The following LGMN variants were observed in gnomAD, a reference collection of about 807,000 sequenced individuals.
LGMN encodes asparaginyl endopeptidase.
In LGMN, 36 loss-of-function variants were observed where a neutral mutation model predicts 56.8. The ratio of observed to expected loss-of-function variants is 0.63; its 90% CI spans 0.49 to 0.84. The LOEUF is 0.84. Among genes scored for constraint, LGMN ranks in the 40% least tolerant of loss-of-function variants. LGMN has a pLI of 0.00. For missense variants in LGMN, 446 were observed against 556.1 expected (o/e 0.80, Z 1.99); for synonymous variants, 199 against 210.1 (o/e 0.95, Z 0.46).
rs1157955787 is a variant in LGMN, at chr14:92,744,594, GTT to G, written c.-30+3893_-30+3894del. 7.0e-3 allele frequency among the ~76,000 whole-genome samples: 899 copies of G among 128,168 alleles called. 3 individuals carry two copies. Among genetic ancestry groups the G allele is most frequent in the African/African-American group, 0.025 (851 of 33,802 alleles). 84.1% of individuals were successfully genotyped at this position (128,168 alleles called of 152,430 possible). On this transcript the variant is annotated intron_variant, in intron 1 of 13. Coordinates refer to ENST00000334869, the MANE Select transcript of LGMN (RefSeq NM_005606.7). Reference sequence around the variant, plus strand: ...TTTTTTTTAAGGAAATTATCCTTTAGTTTTTTTTTTTTTTTTTTGAGACGGAG... The same window carrying G: ...TTTTTTTTAAGGAAATTATCCTTTAGTTTTTTTTTTTTTTTTGAGACGGAG...
chr14:92,732,345 C>T (rs1489063649), intron 2 of LGMN: 1 of 297,966 alleles, frequency 3.4e-6, no homozygotes, highest in Non-Finnish European at 6.3e-6. Flanking sequence ...CCAAGAATGA[C>T]CTGGTCCCCA....
At chr14:92,729,055 C>T (rs1351209524) in intron 2 of LGMN, among the ~76,000 whole-genome samples, 1 of 151,952 alleles carries the variant, frequency 6.6e-6, no homozygotes, top group Admixed American at 6.6e-5. Context: ...CTCACACGTG[C>T]TCAGCAGGAA....
At chr14:92,737,991 CAT>C (rs2140273479) in intron 1 of LGMN, among the ~76,000 whole-genome samples, 1 of 152,278 alleles carries the variant, frequency 6.6e-6, no homozygotes, top group African/African-American at 2.4e-5. Flanking sequence ...GAGTTTCGTT[CAT>C]ATGACATAGT....
Position 92,714,005 on chromosome 14 carries a change from A to T in LGMN, c.481-120T>A. 2.5e-6 allele frequency: 2 copies of T among 797,324 alleles called. No homozygotes were observed. The highest frequency in any genetic ancestry group is 4.4e-6 in the Non-Finnish European group (2 of 453,892). The allele number at this position is 797,324 out of a possible 1,614,324, so 49.4% of individuals were successfully genotyped here. A position where few individuals can be genotyped will look rare whatever the true frequency, so the allele number is the denominator to read the frequency against. On this transcript the variant is annotated intron_variant, in intron 6 of 13. Transcript: ENST00000334869. This position sits in a 1 kb window ranked among gnomAD's most constrained non-coding sequence, Gnocchi z 5.1. ...TTTCTACCAATCCCTAGAAGTAATC[A>T]TGGTGAAGAACATAACCCCAGAATG...
At chr14:92,742,306 C>CT (rs1566938128) in intron 1 of LGMN, among the ~76,000 whole-genome samples, 1 of 92,502 alleles carries the variant, frequency 1.1e-5, no homozygotes, top group Non-Finnish European at 1.9e-5. Context: ...TTTTTTTTTT[C>CT]TTTTTTTTTG....
chr14:92,717,456 G>T lies in LGMN; in HGVS notation c.242C>A (p.Pro81His). 1 of 1,611,948 alleles carries T rather than the reference G, an allele frequency of 6.2e-7. No individual in the cohort carries two copies. The highest frequency in any genetic ancestry group is 8.5e-7 in the Non-Finnish European group (1 of 1,178,154). Residue 81 changes from proline (P) to histidine (H), a missense_variant, in exon 4 of 14, where the codon CCC becomes CAC. Transcript: ENST00000334869. ...YDDIAYSEDN[P>H]TPGIVINRPN... is the part of the protein sequence containing the mutation. ...CCTGTTGATCACAATTCCTGGAGTG[G>T]GATTGCTGAAAATTAAAGGACACAA... is the stretch of plus-strand genomic sequence containing the variant.
intron 3 of LGMN, among the ~76,000 whole-genome samples, chr14:92,718,276 C>T (rs879735576): frequency 5.3e-5 from 8 of 152,046 alleles, no homozygotes; most frequent in Non-Finnish European, 1.0e-4. Context: ...AAGTTATGGT[C>T]GAAGCTCAAC....
intron 2 of LGMN, among the ~76,000 whole-genome samples, chr14:92,719,755 C>G (rs374939988): frequency 7.9e-5 from 12 of 152,194 alleles, no homozygotes; most frequent in Non-Finnish European, 1.2e-4. Context: ...TCCCTGTCCA[C>G]GCAAGGGTGA....
At chr14:92,745,671 CA>C (rs771264504) in intron 1 of LGMN, among the ~76,000 whole-genome samples, 100 of 152,318 alleles carry the variant, frequency 6.6e-4, no homozygotes, top group Non-Finnish European at 1.2e-3. Context: ...AGTGTTGCCA[CA>C]AACAACCCTA....
chr14:92,706,086 C>T (rs767566359), intron 12 of LGMN, among the ~76,000 whole-genome samples: 2 of 152,194 alleles, frequency 1.3e-5, no homozygotes, highest in Non-Finnish European at 2.9e-5. Flanking sequence ...CTCAGTACTT[C>T]TCCATGGGCC....
At chr14:92,738,784 GC>G (rs2140274853) in intron 1 of LGMN, among the ~76,000 whole-genome samples, 1 of 151,748 alleles carries the variant, frequency 6.6e-6, no homozygotes, top group African/African-American at 2.4e-5. Flanking sequence ...ACTTTGGGAG[GC>G]CGAGGTGGGC....
intron 1 of LGMN, among the ~76,000 whole-genome samples, chr14:92,743,760 C>T (rs1207900301): frequency 6.7e-6 from 1 of 149,848 alleles, no homozygotes; most frequent in Non-Finnish European, 1.5e-5. Flanking sequence ...GAGATCAAAC[C>T]ACAGCACTCC....
At chr14:92,747,159 A>C (rs1464950236) in intron 1 of LGMN, among the ~76,000 whole-genome samples, 1 of 152,080 alleles carries the variant, frequency 6.6e-6, no homozygotes, top group Non-Finnish European at 1.5e-5. Flanking sequence ...TCCAGATGAA[A>C]CACTTTTCTC....
intron 12 of LGMN, among the ~76,000 whole-genome samples, chr14:92,705,854 C>G (rs1030702024): frequency 6.6e-6 from 1 of 152,114 alleles, no homozygotes; most frequent in East Asian, 1.9e-4. Flanking sequence ...TCTGGAACTC[C>G]TGACTTCAGG....
Position 92,748,500 on chromosome 14 carries a change from G to T in LGMN, c.-41C>A. The T allele has an allele frequency of 1.3e-5, 2 of 155,276 alleles. No homozygotes were observed. Among genetic ancestry groups the T allele is most frequent in the South Asian group, 3.4e-4 (2 of 5,806 alleles). The allele number at this position is 155,276 out of a possible 1,614,324, so 9.6% of individuals were successfully genotyped here. ...GGGCTCGCGGTTACCTGTGGCAGGC[G>T]ACCGTGGTGGCAGTGGTGGCGGCGG... On this transcript the variant is annotated 5_prime_UTR_variant, in exon 1 of 14. Transcript: ENST00000334869.
intron 7 of LGMN, 142 bp from the exon 8 acceptor site, chr14:92,713,013 G>A (rs1889875375): frequency 1.5e-6 from 1 of 647,400 alleles, no homozygotes; most frequent in African/African-American, 1.8e-5. Flanking sequence ...CTGTAAAGAG[G>A]CTGCTGCCAG....
At chr14:92,737,903 G>A (rs1222144136) in intron 1 of LGMN, among the ~76,000 whole-genome samples, 1 of 152,212 alleles carries the variant, frequency 6.6e-6, no homozygotes, top group Non-Finnish European at 1.5e-5. Context: ...CAGACCACAT[G>A]GCAGGCACAG....
chr14:92,744,596 T>G (rs1358802014), intron 1 of LGMN, among the ~76,000 whole-genome samples: 1 of 122,676 alleles, frequency 8.2e-6, no homozygotes, highest in Non-Finnish European at 1.8e-5. Context: ...ATCCTTTAGT[T>G]TTTTTTTTTT....
At position 92,704,196 on chromosome 14, in the gene LGMN, T is replaced by C. The variant is rs1204852671; in HGVS notation, c.*123A>G. ...GTGAAGAAGGTCCTGGAGCGAGCCC[T>C]GGAGCGGGGGCTCCCCAGGAGGGCC... On this transcript the variant is annotated 3_prime_UTR_variant, in exon 14 of 14. Transcript: ENST00000334869. The C allele has an allele frequency of 2.4e-6, 3 of 1,251,128 alleles. No individual in the cohort carries two copies. The highest frequency in any genetic ancestry group is 4.6e-5 in the East Asian group (2 of 43,176). The allele number at this position is 1,251,128 out of a possible 1,614,324, so 77.5% of individuals were successfully genotyped here.
Sources: gnomAD v4.1 joint callset for allele counts (sites outside exome capture counted in the v4.1 genomes callset) on GRCh38, gnomAD v4.1.1 for gene constraint, Gnocchi (gnomAD v3.1) non-coding constraint, MANE v1.5 for transcripts, NCBI Gene and HGNC (gene_info 2026-07-23, HGNC 2026-07-21) for gene names.